CTTNBP2: variants seen among roughly 807,000 people sequenced by gnomAD.
CTTNBP2 encodes cortactin-binding protein 2.
In CTTNBP2, 108 loss-of-function variants were observed where a neutral mutation model predicts 156.9. The ratio of observed to expected loss-of-function variants is 0.69; its 90% confidence interval spans 0.59 to 0.81. The LOEUF is 0.81. CTTNBP2 is among the 30% of genes least tolerant of loss of function. CTTNBP2 has a pLI of 0.00. For missense variants in CTTNBP2, 1,924 were observed against 2,035.4 expected, an observed-to-expected ratio of 0.95 and a Z score of 1.05; for synonymous variants, 767 against 751.8, an observed-to-expected ratio of 1.02 and a Z score of -0.33.
chr7:117,853,792 T>C (rs531998969), intron 2 of CTTNBP2, among the ~76,000 whole-genome samples: 1 of 152,314 alleles, frequency 6.6e-6, no homozygotes, highest in East Asian at 1.9e-4. Flanking sequence ...TATATCTTGG[T>C]AACTTATTAA....
At chr7:117,784,104 A>T in intron 5 of CTTNBP2, 147 bp downstream of exon 5, 2 of 555,734 alleles carry the variant, frequency 3.6e-6, no homozygotes, top group Non-Finnish European at 6.1e-6. Flanking sequence ...TAAAAACTTT[A>T]AATCTCATGT....
chr7:117,780,582 T>C lies in CTTNBP2; in HGVS notation c.2382A>G (p.Glu794=), dbSNP rs904043943. 15 of 1,583,690 alleles carry C rather than the reference T, an allele frequency of 9.5e-6. No individual in the cohort carries two copies. The highest frequency in any genetic ancestry group is 2.3e-5 in the East Asian group (1 of 43,194). ...AAAQGHFECV[E]LLISYDANIN... ...TGTTAGCATCATATGAAATTAATAA[T>C]TCTACACACCTAAACACAAGATTAG... is the stretch of plus-strand genomic sequence containing the variant. The change falls in exon 7 of 23, where the codon GAA becomes GAG. Residue 794 remains glutamate (E), a synonymous_variant. Coordinates refer to ENST00000160373, the MANE Select transcript of CTTNBP2 (RefSeq NM_033427.3).
rs73215989 is a variant in CTTNBP2, at chr7:117,859,289, T to C, written c.189+1920A>G. 3.6e-3 allele frequency among the ~76,000 whole-genome samples: 541 copies of C among 152,328 alleles called. 2 individuals are homozygous for C. Among genetic ancestry groups the C allele is most frequent in the Non-Finnish European group, 5.0e-3 (338 of 68,022 alleles). On this transcript the variant is annotated intron_variant, in intron 2 of 22. Coordinates refer to ENST00000160373, the MANE Select transcript of CTTNBP2 (RefSeq NM_033427.3). ...TCCTTGACTCTATGAAAAATGTTCATTCGGCAAGTGCTGATTATTAGCAAG... is the reference window on the plus strand; with the variant it reads ...TCCTTGACTCTATGAAAAATGTTCACTCGGCAAGTGCTGATTATTAGCAAG...
chr7:117,725,257 C>G lies in CTTNBP2; in HGVS notation c.4056G>C (p.Lys1352Asn). ...VVPGHAQVTV[K>N]WMSKLWNGVI... Reference sequence around the variant, plus strand: ...CGCCATTCCACAGCTTAGACATCCACCTAGCAGGAGAGGGACCGATTCATC... The same window carrying G: ...CGCCATTCCACAGCTTAGACATCCAGCTAGCAGGAGAGGGACCGATTCATC... The change falls in exon 18 of 23, where the codon AAG (lysine) becomes AAC (asparagine). Residue 1352 changes from lysine to asparagine, a missense_variant and splice_region_variant. By Grantham distance (94) the Lys-to-Asn change is moderately conservative. Coordinates refer to ENST00000160373, the MANE Select transcript of CTTNBP2 (RefSeq NM_033427.3). 1 of 1,613,954 alleles carries G rather than the reference C, an allele frequency of 6.2e-7. No homozygotes were observed. Among genetic ancestry groups the G allele is most frequent in the Non-Finnish European group, 8.5e-7 (1 of 1,179,838 alleles).
chr7:117,718,393 C>CAAGTA (rs1794582611), intron 21 of CTTNBP2, among the ~76,000 whole-genome samples: 1 of 152,098 alleles, frequency 6.6e-6, no homozygotes, highest in Non-Finnish European at 1.5e-5. Context: ...AGGCACTTTG[C>CAAGTA]AAGTAAAGAA....
rs372119509 is a variant in CTTNBP2, at chr7:117,727,055, T to C, written c.4055+1034A>G. Among the ~76,000 whole-genome samples the C allele has an allele frequency of 1.1e-4, 17 of 152,328 alleles. No homozygotes were observed. In the East Asian group the frequency reaches 2.7e-3, roughly 24 times the overall value. On this transcript the variant is annotated intron_variant, in intron 17 of 22. Coordinates refer to ENST00000160373, the MANE Select transcript of CTTNBP2 (RefSeq NM_033427.3). Reference sequence around the variant, plus strand: ...AAAAAAGACTTTAATTTAACTGACATAATAATGAAGAAAGTGGTAATTATA... The same window carrying C: ...AAAAAAGACTTTAATTTAACTGACACAATAATGAAGAAAGTGGTAATTATA...
intron 8 of CTTNBP2, 21 bp from the exon 9 acceptor site, chr7:117,767,197 T>C: frequency 7.6e-7 from 1 of 1,321,276 alleles, no homozygotes. Flanking sequence ...AAGAGCTCTA[T>C]TACCTCCAAG....
chr7:117,857,656 T>C (rs1323684282), intron 2 of CTTNBP2, among the ~76,000 whole-genome samples: 2 of 152,142 alleles, frequency 1.3e-5, no homozygotes, highest in South Asian at 2.1e-4. Flanking sequence ...AGTTCAAAAC[T>C]ATTTACTATT....
intron 22 of CTTNBP2, among the ~76,000 whole-genome samples, chr7:117,717,235 T>C (rs930572040): frequency 6.6e-6 from 1 of 152,228 alleles, no homozygotes; most frequent in African/African-American, 2.4e-5. Flanking sequence ...GAATCCTGGT[T>C]CTTCTAGTTG....
At chr7:117,751,030 A>G (rs1278002163) in intron 12 of CTTNBP2, among the ~76,000 whole-genome samples, 1 of 152,190 alleles carries the variant, frequency 6.6e-6, no homozygotes, top group East Asian at 1.9e-4. Flanking sequence ...AATCCCTTTT[A>G]TTCTTGTGTC....
chr7:117,779,229 C>G (rs1798269285), intron 7 of CTTNBP2, among the ~76,000 whole-genome samples: 1 of 152,140 alleles, frequency 6.6e-6, no homozygotes, highest in Non-Finnish European at 1.5e-5. Context: ...AAGTAGTCTA[C>G]TACTGAAGAG....
intron 1 of CTTNBP2, among the ~76,000 whole-genome samples, chr7:117,871,384 ATTATTACTGG>A (rs1453927179): frequency 1.3e-5 from 2 of 152,210 alleles, no homozygotes; most frequent in Non-Finnish European, 2.9e-5. Context: ...AAATTCAGAA[ATTATTACTGG>A]TTTTTAAACT....
rs138102690 is a variant in CTTNBP2, at chr7:117,769,627, C to T, written c.2779-2451G>A. ...TTGCTAAGCTAAGAAATTAACAGAA[C>T]GCAAAGTCAGATAAATAAATGTCAA... On this transcript the variant is annotated intron_variant, in intron 8 of 22. Transcript: ENST00000160373. 7.0e-3 allele frequency among the ~76,000 whole-genome samples: 1,062 copies of T among 152,176 alleles called. 8 individuals are homozygous for T. The highest frequency in any genetic ancestry group is 0.011 in the Non-Finnish European group (720 of 68,002).
intron 1 of CTTNBP2, among the ~76,000 whole-genome samples, chr7:117,866,987 GA>G (rs1804245079): frequency 6.6e-6 from 1 of 152,150 alleles, no homozygotes; most frequent in Admixed American, 6.5e-5. Flanking sequence ...AAATCAACTT[GA>G]AAGTTCACCA....
At position 117,773,692 on chromosome 7, in the gene CTTNBP2, CACACACACACACA is replaced by C. The variant is rs1562992410; in HGVS notation, c.2778+3806_2778+3818del. ...ACACACACACACACACACACACACA[CACACACACACACA>C]CACCCCAAAAAACAAAAAGCAGAAA... On this transcript the variant is annotated intron_variant, in intron 8 of 22. Transcript: ENST00000160373. 8.1e-5 allele frequency among the ~76,000 whole-genome samples: 12 copies of C among 148,344 alleles called. 1 individual carries two copies. Among genetic ancestry groups the C allele is most frequent in the African/African-American group, 3.1e-4 (12 of 38,856 alleles).
At chr7:117,795,289 C>T (rs545740695) in intron 3 of CTTNBP2, among the ~76,000 whole-genome samples, 2 of 152,146 alleles carry the variant, frequency 1.3e-5, no homozygotes, top group African/African-American at 4.8e-5. Context: ...TGAGATGCAC[C>T]AAATAACAGA....
intron 7 of CTTNBP2, among the ~76,000 whole-genome samples, chr7:117,780,215 A>G (rs996303812): frequency 2.0e-5 from 3 of 152,156 alleles, no homozygotes; most frequent in African/African-American, 7.2e-5. Flanking sequence ...TTCCTGTTTG[A>G]CAGATTAATC....
At chr7:117,744,188 T>A (rs1223025882) in intron 14 of CTTNBP2, among the ~76,000 whole-genome samples, 1 of 152,352 alleles carries the variant, frequency 6.6e-6, no homozygotes, top group South Asian at 2.1e-4. Context: ...CTCCTTCTAG[T>A]TATTTTACAA....
intron 9 of CTTNBP2, 94 bp from the exon 10 acceptor site, chr7:117,760,804 A>C: frequency 3.6e-6 from 3 of 829,596 alleles, no homozygotes; most frequent in Non-Finnish European, 5.6e-6. Flanking sequence ...TAAACATTTA[A>C]AAATTATAAA....
Sources: allele counts gnomAD v4.1 joint callset (sites outside exome capture counted in the v4.1 genomes callset), GRCh38; gene constraint gnomAD v4.1.1; transcripts MANE v1.5; gene names NCBI Gene and HGNC (gene_info 2026-07-23, HGNC 2026-07-21).